Variants in PCLO observed in about 807,000 individuals in gnomAD.
PCLO encodes the protein piccolo presynaptic cytomatrix protein, also known as protein piccolo.
PCLO carries 82 observed loss-of-function variants against 427.5 expected under a neutral mutation model. The ratio of observed to expected loss-of-function variants is 0.19; its 90% CI spans 0.16 to 0.23. The LOEUF is 0.23. Among genes scored for constraint, PCLO ranks in the 10% least tolerant of loss-of-function variants. PCLO has a pLI of 1.00. For synonymous variants in PCLO, 2,357 were observed against 2,155.4 expected (o/e 1.09, Z -2.59); for missense variants, 6,239 against 6,115.9 (o/e 1.02, Z -0.67).
At chr7:82,888,216 C>T (rs1793674246) in intron 9 of PCLO, among the ~76,000 whole-genome samples, 2 of 152,096 alleles carry the variant, frequency 1.3e-5, no homozygotes, top group African/African-American at 2.4e-5. Flanking sequence ...CACGGATATT[C>T]CAGCAGTTAG....
At chr7:83,076,744 CAAACA>C (rs1333868082) in intron 3 of PCLO, among the ~76,000 whole-genome samples, 1 of 146,392 alleles carries the variant, frequency 6.8e-6, no homozygotes, top group African/African-American at 2.5e-5. Context: ...AGCAAATAAA[CAAACA>C]AATCTCTCTA....
intron 3 of PCLO, among the ~76,000 whole-genome samples, chr7:82,994,338 C>T (rs1214693576): frequency 6.6e-6 from 1 of 151,702 alleles, no homozygotes; most frequent in Non-Finnish European, 1.5e-5. Context: ...AATAAGTCCT[C>T]TGTGTTATGG....
intron 3 of PCLO, among the ~76,000 whole-genome samples, chr7:83,075,531 T>C (rs1032450065): frequency 1.1e-4 from 17 of 152,144 alleles, no homozygotes; most frequent in African/African-American, 3.9e-4. Context: ...TTCTAAAACA[T>C]GACAAGTGTT....
intron 3 of PCLO, among the ~76,000 whole-genome samples, chr7:83,132,395 C>G (rs887532384): frequency 6.6e-6 from 1 of 152,160 alleles, no homozygotes; most frequent in Non-Finnish European, 1.5e-5. Flanking sequence ...GATTTTCAAA[C>G]TATTCAAAGT....
chr7:82,862,766 C>T (rs556555226), intron 10 of PCLO, among the ~76,000 whole-genome samples: 4 of 151,864 alleles, frequency 2.6e-5, no homozygotes, highest in African/African-American at 7.2e-5. Context: ...AGACAAACAT[C>T]GCATGTTCTC....
chr7:83,044,789 C>T (rs552079808), intron 3 of PCLO, among the ~76,000 whole-genome samples: 4 of 151,992 alleles, frequency 2.6e-5, no homozygotes, highest in Non-Finnish European at 5.9e-5. Context: ...TATATTGATT[C>T]GATATCTAAA....
intron 3 of PCLO, among the ~76,000 whole-genome samples, chr7:83,124,353 CAA>C (rs1000734708): frequency 1.6e-3 from 92 of 57,496 alleles, no homozygotes; most frequent in African/African-American, 4.5e-3. Flanking sequence ...GACTCCGTCT[CAA>C]AAAAAAAAAA....
At chr7:82,920,334 CTTG>C (rs1409307361) in intron 6 of PCLO, among the ~76,000 whole-genome samples, 2 of 151,576 alleles carry the variant, frequency 1.3e-5, no homozygotes, top group Non-Finnish European at 3.0e-5. Context: ...TAGAAAAAAA[CTTG>C]TTGTTTACTA....
chr7:82,952,501 G>T lies in PCLO; in HGVS notation c.8452C>A (p.His2818Asn), dbSNP rs1023966604. The T allele has an allele frequency of 6.2e-7, 1 of 1,613,924 alleles. No homozygotes were observed. Among genetic ancestry groups the T allele is most frequent in the Non-Finnish European group, 8.5e-7 (1 of 1,179,830 alleles). ...TGTESLVGAE[H>N]AMTTPLQLTT... ...AGTTGGAGTGGTGTTGTCATTGCAT[G>T]TTCTGCACCCACTAGGCTTTCTGTG... is the stretch of plus-strand genomic sequence containing the variant. The change falls in exon 5 of 25, where the codon CAT becomes AAT. Residue 2818 changes from histidine (H) to asparagine (N), a missense_variant. His to Asn is a moderately conservative substitution (Grantham distance 68). This residue lies in a region of PCLO where 4,677 missense variants were observed against 4,468.4 expected (regional missense o/e 1.05). Coordinates refer to ENST00000333891, the MANE Select transcript of PCLO (RefSeq NM_033026.6).
At chr7:82,958,567 T>C (rs1189288044) in intron 4 of PCLO, among the ~76,000 whole-genome samples, 2 of 152,190 alleles carry the variant, frequency 1.3e-5, no homozygotes, top group African/African-American at 4.8e-5. Context: ...ACAATGTTAC[T>C]CAATTAAAAA....
chr7:83,139,604 A>T (rs529692515), intron 2 of PCLO, among the ~76,000 whole-genome samples: 13 of 152,332 alleles, frequency 8.5e-5, no homozygotes, highest in African/African-American at 2.6e-4. Flanking sequence ...TGAGGTGGAA[A>T]ATAGGAGTCA....
rs745637385 is a variant in PCLO at position 82,955,290 on chromosome 7, G to A, written c.5663C>T (p.Thr1888Ile). 28 of 1,613,340 alleles carry A rather than the reference G, an allele frequency of 1.7e-5. No homozygotes were observed. The highest frequency in any genetic ancestry group is 2.4e-5 in the Non-Finnish European group (28 of 1,179,754). ...TGTTGGTGAGTATAATGAAACAGCT[G>A]TGGGCAATTTATAAACTTTTTGTAC... The part of the protein sequence containing the change: ...IEVQKVYKLP[T>I]AVSLYSPTDE... Residue 1888 changes from threonine (T) to isoleucine (I), a missense_variant, in exon 5 of 25, where the codon ACA becomes ATA. Around this residue, in one of 5 missense-constraint regions of PCLO, gnomAD observed 4,677 missense variants for 4,468.4 expected, o/e 1.05. Transcript: ENST00000333891.
chr7:83,010,672 T>G (rs1449845637), intron 3 of PCLO, among the ~76,000 whole-genome samples: 1 of 151,614 alleles, frequency 6.6e-6, no homozygotes, highest in Non-Finnish European at 1.5e-5. Flanking sequence ...CTAACTTTTC[T>G]CCCTCCCTCC....
At position 82,904,125 on chromosome 7, in the gene PCLO, A is replaced by AT. The variant is rs538125763; in HGVS notation, c.13438-1385dup. ...ATACTGTTTACTAAATTATAAAAAT[A>AT]TTAGGGTAAGTATAATAAGTCAATT... On this transcript the variant is annotated intron_variant, in intron 8 of 24. Coordinates refer to ENST00000333891, the MANE Select transcript of PCLO (RefSeq NM_033026.6). 1.1e-4 allele frequency among the ~76,000 whole-genome samples: 16 copies of AT among 152,148 alleles called. No homozygotes were observed. The South Asian group carries it at 2.9e-3, about 28-fold the overall frequency.
intron 10 of PCLO, among the ~76,000 whole-genome samples, chr7:82,855,960 A>G (rs1278291472): frequency 6.6e-6 from 1 of 152,102 alleles, no homozygotes; most frequent in African/African-American, 2.4e-5. Flanking sequence ...TGCCTTTAGA[A>G]AGTTGAACAC....
chr7:82,929,416 G>T (rs1392434364), intron 6 of PCLO, among the ~76,000 whole-genome samples: 1 of 152,034 alleles, frequency 6.6e-6, no homozygotes, highest in African/African-American at 2.4e-5. Context: ...ATCTATGTTT[G>T]CCTAATGTTA....
At position 82,915,552 on chromosome 7, in the gene PCLO, A is replaced by G. The variant is rs769033054; in HGVS notation, c.12434T>C (p.Leu4145Pro). 3 of 1,613,620 alleles carry G rather than the reference A, an allele frequency of 1.9e-6. No homozygotes were observed. The highest frequency in any genetic ancestry group is 2.5e-6 in the Non-Finnish European group (3 of 1,179,746). ...AGTATCAGCATGGTAATAATGAGAA[A>G]GACCAGCAAGGTGATCTAAGCTCTC... Reference protein sequence around the residue: ...GTESLDHLAGLSHYYHADTSY... With the variant: ...GTESLDHLAGPSHYYHADTSY... Residue 4145 changes from leucine to proline, a missense_variant, in exon 7 of 25, where the codon CTT (leucine) becomes CCT (proline). Physicochemically the swap from Leu to Pro is moderately conservative, Grantham distance 98 (BLOSUM62 -3). Around this residue, in one of 5 missense-constraint regions of PCLO, gnomAD observed 680 missense variants for 677.3 expected, o/e 1.00. Transcript: ENST00000333891.
intron 1 of PCLO, among the ~76,000 whole-genome samples, chr7:83,156,610 G>GA (rs887312873): frequency 1.6e-4 from 23 of 147,878 alleles, no homozygotes; most frequent in African/African-American, 4.2e-4. Flanking sequence ...AGCAAGTGAA[G>GA]AAAAAAAAAC....
chr7:83,143,447 TCTC>T (rs1481470768), intron 2 of PCLO, among the ~76,000 whole-genome samples: 1 of 152,164 alleles, frequency 6.6e-6, no homozygotes, highest in African/African-American at 2.4e-5. Context: ...TGAATGGACA[TCTC>T]CTCTCTGAAA....
Sources: allele counts gnomAD v4.1 joint callset (sites outside exome capture counted in the v4.1 genomes callset), GRCh38; gene constraint gnomAD v4.1.1; regional missense constraint gnomAD v4.1.1; transcripts MANE v1.5; gene names NCBI Gene and HGNC (gene_info 2026-07-23, HGNC 2026-07-21).